PCYT1B: variants seen among roughly 807,000 people sequenced by gnomAD.
PCYT1B encodes the protein phosphate cytidylyltransferase 1B, choline.
In PCYT1B, 10 loss-of-function variants were observed where a neutral mutation model predicts 26.4. The observed-to-expected ratio is 0.38, with a 90% CI of 0.23 to 0.64. The LOEUF (loss-of-function observed/expected upper bound fraction) is 0.64. Among genes scored for constraint, PCYT1B ranks in the 30% least tolerant of loss-of-function variants. The probability of loss-of-function intolerance (pLI) is 0.56; values close to 1 mark genes in which losing one functional copy is unlikely to be tolerated. For synonymous variants in PCYT1B, 131 were observed against 108.4 expected, an observed-to-expected ratio of 1.21 and a Z score of -1.29; for missense variants, 161 against 292.7, an observed-to-expected ratio of 0.55 and a Z score of 3.28.
chrX:24,599,074 A>G (rs771018536), intron 3 of PCYT1B, among the ~76,000 whole-genome samples: 2 of 112,025 alleles, frequency 1.8e-5, no homozygotes, highest in South Asian at 3.7e-4. Context: ...AGTTGCTTTC[A>G]AGTAAAAGAA....
intron 1 of PCYT1B, chrX:24,621,972 G>A (rs1425814178): frequency 1.3e-5 from 2 of 151,311 alleles, no homozygotes; most frequent in African/African-American, 6.3e-5. Context: ...CGTGCATTTT[G>A]TTCTTAATTA....
intron 7 of PCYT1B, among the ~76,000 whole-genome samples, chrX:24,563,298 A>T (rs1236476530): frequency 1.8e-5 from 2 of 112,043 alleles, no homozygotes; most frequent in Non-Finnish European, 3.8e-5. Flanking sequence ...GCGATTGCAA[A>T]CAGGGTGCTC....
intron 1 of PCYT1B, among the ~76,000 whole-genome samples, chrX:24,627,825 C>T (rs1925929729): frequency 9.0e-6 from 1 of 111,268 alleles, no homozygotes; most frequent in African/African-American, 3.3e-5. Context: ...ATCCATAAAA[C>T]TTGAAACAGA....
intron 2 of PCYT1B, among the ~76,000 whole-genome samples, chrX:24,616,277 G>A (rs781269674): frequency 1.8e-4 from 16 of 89,241 alleles, no homozygotes; most frequent in African/African-American, 6.6e-4. Flanking sequence ...TTGCGCTGTC[G>A]CCTAGGCTGG....
At position 24,559,270 on chromosome X, in the gene PCYT1B, T is replaced by C. The variant is rs748587714; in HGVS notation, c.*3023A>G. 2 of 100,523 alleles carry C rather than the reference T, an allele frequency of 2.0e-5. No individual in the cohort carries two copies. The highest frequency in any genetic ancestry group is 6.1e-4 in the East Asian group (2 of 3,302). The allele number at this position is 100,523 out of a possible 1,213,427, so 8.3% of individuals were successfully genotyped here. ...AGGTGGAGGCTGCAGTGAGCCGAGA[T>C]TGTGCCATTGCACTCCAGCCTGAGC... On this transcript the variant is annotated 3_prime_UTR_variant, in exon 8 of 8. Transcript: ENST00000379144.
intron 4 of PCYT1B, among the ~76,000 whole-genome samples, 193 bp downstream of exon 4, chrX:24,589,830 C>T (rs1193564624): frequency 9.0e-6 from 1 of 111,256 alleles, no homozygotes; most frequent in African/African-American, 3.3e-5. Context: ...AGGGCCCACA[C>T]TCAAAGAAGT....
intron 7 of PCYT1B, among the ~76,000 whole-genome samples, chrX:24,572,457 C>T (rs1923863660): frequency 8.9e-6 from 1 of 111,772 alleles, no homozygotes; most frequent in Non-Finnish European, 1.9e-5. Context: ...ATACCTATCT[C>T]ATTGTACCAG....
At chrX:24,630,538 G>T (rs758550604) in intron 1 of PCYT1B, among the ~76,000 whole-genome samples, 1 of 111,744 alleles carries the variant, frequency 8.9e-6, no homozygotes, top group South Asian at 3.7e-4. Flanking sequence ...CTCGTGATCC[G>T]CCCGCCTTGG....
intron 1 of PCYT1B, among the ~76,000 whole-genome samples, chrX:24,657,786 A>AT (rs1157959669): frequency 2.7e-5 from 3 of 112,053 alleles, no homozygotes; most frequent in African/African-American, 6.5e-5. Context: ...CCAGAAAAGG[A>AT]TTTTTTTAAG....
intron 1 of PCYT1B, among the ~76,000 whole-genome samples, chrX:24,643,007 TC>T (rs1294464156): frequency 8.9e-6 from 1 of 112,000 alleles, no homozygotes; most frequent in Admixed American, 9.5e-5. Context: ...TCCAAGGCCT[TC>T]TCAGTTGATC....
chrX:24,596,119 A>T (rs1232962382), intron 3 of PCYT1B, among the ~76,000 whole-genome samples: 4 of 111,963 alleles, frequency 3.6e-5, no homozygotes, highest in African/African-American at 9.7e-5. Context: ...AAAAAAACAC[A>T]CTAGTATAAA....
chrX:24,669,180 G>A (rs1020924041), intron 1 of PCYT1B, among the ~76,000 whole-genome samples: 1 of 111,715 alleles, frequency 9.0e-6, no homozygotes, highest in Non-Finnish European at 1.9e-5. Context: ...CTATATCTGC[G>A]TTGTCCAAAT....
In PCYT1B at chrX:24,579,370, T is replaced by C; in HGVS notation, c.654A>G (p.Arg218=). The change falls in exon 6 of 8, where the codon CGA becomes CGG. Residue 218 remains arginine (R), a synonymous_variant. Transcript: ENST00000379144. Reference sequence around the variant, plus strand: ...CTGTATACCCTCTCTGGAGGTTACGTCGGGCATAAACATCATAGTCACGAA... The same window carrying C: ...CTGTATACCCTCTCTGGAGGTTACGCCGGGCATAAACATCATAGTCACGAA... The part of the protein sequence containing the change: ...RIVRDYDVYA[R]RNLQRGYTAK... The C allele has an allele frequency of 8.3e-7, 1 of 1,209,046 alleles. No individual in the cohort carries two copies. Among genetic ancestry groups the C allele is most frequent in the Non-Finnish European group, 1.1e-6 (1 of 893,410 alleles).
intron 7 of PCYT1B, among the ~76,000 whole-genome samples, chrX:24,567,531 G>A (rs1484172115): frequency 8.9e-6 from 1 of 112,242 alleles, no homozygotes; most frequent in Admixed American, 9.4e-5. Context: ...TTTAAATTCA[G>A]TCTCTCACTG....
intron 1 of PCYT1B, among the ~76,000 whole-genome samples, chrX:24,636,530 T>G (rs1420833345): frequency 8.9e-6 from 1 of 111,990 alleles, no homozygotes; most frequent in East Asian, 2.8e-4. Flanking sequence ...GAAGAACCGC[T>G]TGTAACTGGG....
intron 5 of PCYT1B, among the ~76,000 whole-genome samples, chrX:24,580,199 A>G (rs933166358): frequency 2.7e-5 from 3 of 112,504 alleles, no homozygotes; most frequent in African/African-American, 9.7e-5. Context: ...CCATGTAGAA[A>G]ATGAACATTT....
At chrX:24,608,803 A>G (rs1202461883) in intron 2 of PCYT1B, among the ~76,000 whole-genome samples, 1 of 111,979 alleles carries the variant, frequency 8.9e-6, no homozygotes, top group Non-Finnish European at 1.9e-5. Flanking sequence ...ACTTCCATCA[A>G]TTTGGTAGAC....
chrX:24,561,989 T>A lies in PCYT1B; in HGVS notation c.*304A>T, dbSNP rs1923434116. ...GGTGGTGGAAGGACCAAAGCAGAAGTCACCCCATCAGTGCAAGTCTCTCTA... is the reference window on the plus strand; with the variant it reads ...GGTGGTGGAAGGACCAAAGCAGAAGACACCCCATCAGTGCAAGTCTCTCTA... On this transcript the variant is annotated 3_prime_UTR_variant, in exon 8 of 8. Coordinates refer to ENST00000379144, the MANE Select transcript of PCYT1B (RefSeq NM_004845.5). 23 of 876,211 alleles carry A rather than the reference T, an allele frequency of 2.6e-5. No individual in the cohort carries two copies. The Middle Eastern group carries it at 8.3e-4, about 32-fold the overall frequency. The allele number at this position is 876,211 out of a possible 1,213,427, so 72.2% of individuals were successfully genotyped here.
At chrX:24,653,842 C>G (rs1926835861) in intron 1 of PCYT1B, among the ~76,000 whole-genome samples, 1 of 108,812 alleles carries the variant, frequency 9.2e-6, no homozygotes. Flanking sequence ...GCAACTTCTG[C>G]CTCCTGGTTT....
Sources: allele counts gnomAD v4.1 joint callset (sites outside exome capture counted in the v4.1 genomes callset), GRCh38; gene constraint gnomAD v4.1.1; transcripts MANE v1.5; gene names NCBI Gene and HGNC (gene_info 2026-07-23, HGNC 2026-07-21).